Variants in GPR149 observed in about 807,000 individuals in gnomAD.
GPR149 encodes probable G protein-coupled receptor 149.
In GPR149, 50 loss-of-function variants were observed where a neutral mutation model predicts 50.2. The observed-to-expected ratio is 1.00, with a 90% confidence interval of 0.79 to 1.26. GPR149 has a LOEUF of 1.26. GPR149 is among the 50% of genes most tolerant of loss of function. The pLI is 0.00. For missense variants in GPR149, 983 were observed against 895.4 expected, an observed-to-expected ratio of 1.10 and a Z score of -1.25; for synonymous variants, 405 against 358.2, an observed-to-expected ratio of 1.13 and a Z score of -1.48.
chr3:154,362,953 G>A (rs2108396312), intron 3 of GPR149, among the ~76,000 whole-genome samples: 2 of 152,278 alleles, frequency 1.3e-5, no homozygotes, highest in East Asian at 3.9e-4. Flanking sequence ...TTACACATGA[G>A]ATCACTTGAA....
intron 1 of GPR149, 93 bp from the exon 2 acceptor site, chr3:154,427,801 C>T: frequency 8.4e-7 from 1 of 1,186,984 alleles, no homozygotes; most frequent in Non-Finnish European, 1.2e-6. Context: ...GTTCCCTTTC[C>T]AGTTCCTTCT....
rs955740093 is a variant in GPR149, at chr3:154,335,776, T to C, written c.*1923A>G. 1 of 150,482 alleles carries C rather than the reference T, an allele frequency of 6.6e-6. No individual in the cohort carries two copies. Among genetic ancestry groups the C allele is most frequent in the Non-Finnish European group, 1.5e-5 (1 of 67,966 alleles). The allele number at this position is 150,482 out of a possible 1,614,324, so 9.3% of individuals were successfully genotyped here. On this transcript the variant is annotated 3_prime_UTR_variant, in exon 4 of 4. Transcript: ENST00000389740. ...AAATTGCTGTGCAGTTATAAAGAAT[T>C]TGTTTGCCTTCAAATCTTTGCTATT...
At chr3:154,362,350 G>A (rs1714429368) in intron 3 of GPR149, among the ~76,000 whole-genome samples, 3 of 151,250 alleles carry the variant, frequency 2.0e-5, no homozygotes, top group Admixed American at 2.0e-4. Flanking sequence ...CACTTTCTTG[G>A]TTAATTTACT....
At chr3:154,387,541 G>C (rs1050567889) in intron 3 of GPR149, among the ~76,000 whole-genome samples, 2 of 152,164 alleles carry the variant, frequency 1.3e-5, no homozygotes, top group South Asian at 4.1e-4. Flanking sequence ...CTGGAGCCAA[G>C]TATAGGTCAG....
At chr3:154,361,294 G>A (rs2108395326) in intron 3 of GPR149, among the ~76,000 whole-genome samples, 1 of 152,238 alleles carries the variant, frequency 6.6e-6, no homozygotes, top group East Asian at 1.9e-4. Flanking sequence ...CAGGGGAAAT[G>A]AGTTCTGTGA....
rs1553766232 is a variant in GPR149 at position 154,404,856 on chromosome 3, T to TATC, written c.1623+16180_1623+16182dup. Among the ~76,000 whole-genome samples the TATC allele has an allele frequency of 2.4e-3, 344 of 140,604 alleles. 1 individual carries two copies. Among genetic ancestry groups the TATC allele is most frequent in the African/African-American group, 7.7e-3 (296 of 38,436 alleles). The allele number at this position is 140,604 out of a possible 152,430, so 92.2% of individuals were successfully genotyped here. A position where few individuals can be genotyped will look rare whatever the true frequency, so the allele number is the denominator to read the frequency against. ...TAGCAAGTATTCAATAAATACTAGC[T>TATC]ATCATCATCATCATCATCAGCAGCA... On this transcript the variant is annotated intron_variant, in intron 3 of 3. Coordinates refer to ENST00000389740, the MANE Select transcript of GPR149 (RefSeq NM_001038705.3).
chr3:154,364,087 C>T (rs1295499101), intron 3 of GPR149, among the ~76,000 whole-genome samples: 1 of 152,158 alleles, frequency 6.6e-6, no homozygotes, highest in Non-Finnish European at 1.5e-5. Context: ...CTGCTGGGCA[C>T]CACTCCCTCC....
At chr3:154,349,128 T>C (rs1714005479) in intron 3 of GPR149, among the ~76,000 whole-genome samples, 1 of 152,042 alleles carries the variant, frequency 6.6e-6, no homozygotes, top group African/African-American at 2.4e-5. Context: ...GAGAGAAATT[T>C]AAAGCACTAA....
intron 3 of GPR149, among the ~76,000 whole-genome samples, chr3:154,386,002 C>T (rs1289712778): frequency 1.3e-5 from 2 of 152,128 alleles, no homozygotes; most frequent in Non-Finnish European, 2.9e-5. Flanking sequence ...TTCTATAACT[C>T]TCTGACTCTT....
Position 154,412,195 on chromosome 3 carries a change from A to T in GPR149, c.1623+8844T>A, listed in dbSNP as rs191920680. On this transcript the variant is annotated intron_variant, in intron 3 of 3. Coordinates refer to ENST00000389740, the MANE Select transcript of GPR149 (RefSeq NM_001038705.3). ...TCAGCAAAATCAGCATAGAAGGGAC[A>T]TATCCTAAGGTAATAAAAGCCATCT... Among the ~76,000 whole-genome samples the T allele has an allele frequency of 2.1e-3, 324 of 152,278 alleles. 1 individual carries two copies. The highest frequency in any genetic ancestry group is 7.1e-3 in the African/African-American group (297 of 41,584).
intron 3 of GPR149, among the ~76,000 whole-genome samples, chr3:154,416,244 C>T (rs554571025): frequency 1.3e-3 from 191 of 151,900 alleles, no homozygotes; most frequent in African/African-American, 4.1e-3. Context: ...CAAACTCATG[C>T]GCATTCTCTA....
At chr3:154,380,032 T>C (rs1309949254) in intron 3 of GPR149, among the ~76,000 whole-genome samples, 1 of 152,118 alleles carries the variant, frequency 6.6e-6, no homozygotes, top group Non-Finnish European at 1.5e-5. Context: ...TCTTCTATTG[T>C]CTAGAGAATC....
intron 2 of GPR149, among the ~76,000 whole-genome samples, chr3:154,425,417 C>T (rs1389467820): frequency 6.6e-6 from 1 of 152,012 alleles, no homozygotes; most frequent in Non-Finnish European, 1.5e-5. Context: ...AACCACCTGG[C>T]CCACCTAAGC....
At chr3:154,352,945 A>C in intron 3 of GPR149, 1 of 913,474 alleles carries the variant, frequency 1.1e-6, no homozygotes, top group Non-Finnish European at 1.8e-6. Flanking sequence ...TGAGGAGGAG[A>C]ATGTTGAATC....
In GPR149 at chr3:154,396,805, G is replaced by A. The variant is rs557928575; in HGVS notation, c.1623+24234C>T. On this transcript the variant is annotated intron_variant, in intron 3 of 3. Coordinates refer to ENST00000389740, the MANE Select transcript of GPR149 (RefSeq NM_001038705.3). ...ATGAATCATTTCTATCAGACTATCAGACTGGAGTAGTGAGGGAGTAGAGGT... is the reference window on the plus strand; with the variant it reads ...ATGAATCATTTCTATCAGACTATCAAACTGGAGTAGTGAGGGAGTAGAGGT... Among the ~76,000 whole-genome samples the A allele has an allele frequency of 1.4e-3, 205 of 151,774 alleles. 1 individual carries two copies. Among genetic ancestry groups the A allele is most frequent in the Non-Finnish European group, 1.7e-3 (113 of 67,908 alleles).
intron 3 of GPR149, chr3:154,352,870 C>G (rs1255760274): frequency 2.1e-6 from 2 of 935,694 alleles, no homozygotes; most frequent in East Asian, 2.4e-5. Context: ...TTGATAAAAA[C>G]ATATACAAAT....
intron 3 of GPR149, among the ~76,000 whole-genome samples, chr3:154,377,732 T>C (rs1714826599): frequency 6.6e-6 from 1 of 152,120 alleles, no homozygotes; most frequent in South Asian, 2.1e-4. Context: ...AACTAACTCA[T>C]TGTAAAGAGT....
At chr3:154,413,941 A>AGT (rs1576927725) in intron 3 of GPR149, among the ~76,000 whole-genome samples, 1 of 84,072 alleles carries the variant, frequency 1.2e-5, no homozygotes, top group African/African-American at 3.8e-5. Flanking sequence ...AAGAAATTGT[A>AGT]GTATATATAT....
intron 3 of GPR149, chr3:154,353,245 G>A: frequency 6.7e-7 from 1 of 1,484,026 alleles, no homozygotes; most frequent in South Asian, 1.1e-5. Context: ...ATGGCCAAGT[G>A]TTCCACAGTA....
Sources: gnomAD v4.1 joint callset for allele counts (sites outside exome capture counted in the v4.1 genomes callset) on GRCh38, gnomAD v4.1.1 for gene constraint, MANE v1.5 for transcripts, NCBI Gene and HGNC (gene_info 2026-07-23, HGNC 2026-07-21) for gene names.